Variants in UBE2G1 observed in about 807,000 individuals in gnomAD.
UBE2G1 encodes ubiquitin conjugating enzyme E2 G1, also known as ubiquitin-conjugating enzyme E2 G1.
Under a neutral mutation model 22.7 loss-of-function variants are expected in UBE2G1, and 5 were observed. The ratio of observed to expected loss-of-function variants is 0.22; its 90% CI spans 0.12 to 0.46. The LOEUF is 0.46. Ranked by LOEUF, UBE2G1 falls within the 20% of genes least tolerant of loss-of-function variation. The pLI, the probability that UBE2G1 is intolerant of heterozygous loss-of-function variation, is 0.99. For missense variants in UBE2G1, 88 were observed against 203.9 expected, an observed-to-expected ratio of 0.43 and a Z score of 3.46; for synonymous variants, 74 against 67.5, an observed-to-expected ratio of 1.10 and a Z score of -0.47.
intron 1 of UBE2G1, among the ~76,000 whole-genome samples, chr17:4,363,042 A>C (rs1010262054): frequency 6.6e-6 from 1 of 152,154 alleles, no homozygotes; most frequent in Non-Finnish European, 1.5e-5. Context: ...GAATCACTTG[A>C]ACCCAGAGGC....
chr17:4,289,198 T>G (rs755757015), intron 4 of UBE2G1, 32 bp downstream of exon 4: 2 of 1,475,960 alleles, frequency 1.4e-6, no homozygotes, highest in Non-Finnish European at 1.8e-6. Flanking sequence ...CAAGGGAAAG[T>G]GAAGGGAAGG....
chr17:4,273,624 T>C lies in UBE2G1; in HGVS notation c.*38-1108A>G, dbSNP rs558757521. Among the ~76,000 whole-genome samples the C allele has an allele frequency of 1.7e-4, 26 of 152,018 alleles. No homozygotes were observed. In the East Asian group the frequency reaches 4.9e-3, roughly 28 times the overall value. ...TCCCAAAGTGTTGGGATTACAGGCA[T>C]GTGCTACTGCACCCAGTGGTTAAAG... is the stretch of plus-strand genomic sequence containing the variant. On this transcript the variant is annotated intron_variant, in intron 5 of 5. Coordinates refer to ENST00000396981, the MANE Select transcript of UBE2G1 (RefSeq NM_003342.5).
intron 3 of UBE2G1, among the ~76,000 whole-genome samples, chr17:4,293,525 C>G (rs1165951020): frequency 6.6e-5 from 10 of 152,104 alleles, no homozygotes; most frequent in Non-Finnish European, 1.3e-4. Context: ...TTTCAGTTTT[C>G]TTGGTTAGGT....
At chr17:4,342,822 G>A (rs1969726692) in intron 1 of UBE2G1, among the ~76,000 whole-genome samples, 1 of 152,178 alleles carries the variant, frequency 6.6e-6, no homozygotes, top group African/African-American at 2.4e-5. Flanking sequence ...CTCACTCTGA[G>A]TAAAAGCCTA....
chr17:4,283,345 C>T (rs1968917813), intron 4 of UBE2G1, among the ~76,000 whole-genome samples: 2 of 152,064 alleles, frequency 1.3e-5, no homozygotes. Context: ...AATAAAAGTA[C>T]AAAAATTAGC....
intron 1 of UBE2G1, among the ~76,000 whole-genome samples, chr17:4,344,367 C>A (rs1235555194): frequency 6.6e-6 from 1 of 151,884 alleles, no homozygotes. Flanking sequence ...AGTGAAACCC[C>A]GTCTCTACTA....
intron 1 of UBE2G1, among the ~76,000 whole-genome samples, chr17:4,314,761 C>T (rs960495179): frequency 6.6e-6 from 1 of 152,100 alleles, no homozygotes; most frequent in Non-Finnish European, 1.5e-5. Flanking sequence ...CCTCACAAAC[C>T]TAACCTGTTT....
At chr17:4,329,537 G>A (rs948116924) in intron 1 of UBE2G1, among the ~76,000 whole-genome samples, 5 of 151,618 alleles carry the variant, frequency 3.3e-5, no homozygotes, top group Admixed American at 6.6e-5. Flanking sequence ...CAGCCTGGGT[G>A]AATGAGACTC....
chr17:4,315,783 CAG>C (rs1969361635), intron 1 of UBE2G1, among the ~76,000 whole-genome samples: 1 of 131,456 alleles, frequency 7.6e-6, no homozygotes, highest in South Asian at 2.5e-4. Flanking sequence ...AACAAAAAAA[CAG>C]AAGAAAAGAG....
intron 5 of UBE2G1, among the ~76,000 whole-genome samples, chr17:4,273,696 T>C (rs990250449): frequency 6.7e-6 from 1 of 149,674 alleles, no homozygotes; most frequent in African/African-American, 2.5e-5. Flanking sequence ...GTCTTTATTA[T>C]ATTAATATGT....
At chr17:4,297,946 A>G (rs1285705592) in intron 2 of UBE2G1, among the ~76,000 whole-genome samples, 1 of 152,238 alleles carries the variant, frequency 6.6e-6, no homozygotes, top group Non-Finnish European at 1.5e-5. Flanking sequence ...GAACAAATAT[A>G]CATTGATTAC....
intron 1 of UBE2G1, among the ~76,000 whole-genome samples, chr17:4,341,051 A>C (rs1187781222): frequency 2.5e-4 from 17 of 68,898 alleles, no homozygotes; most frequent in Admixed American, 1.2e-3. Flanking sequence ...GTGTCTTTAC[A>C]AAAAAAAAAA....
chr17:4,292,958 A>G (rs947322150), intron 3 of UBE2G1, among the ~76,000 whole-genome samples: 1 of 152,174 alleles, frequency 6.6e-6, no homozygotes, highest in Non-Finnish European at 1.5e-5. Flanking sequence ...ATTCCCCTAT[A>G]ATAATTTTAT....
At chr17:4,278,243 A>G (rs1968844131) in intron 5 of UBE2G1, among the ~76,000 whole-genome samples, 1 of 152,376 alleles carries the variant, frequency 6.6e-6, no homozygotes, top group South Asian at 2.1e-4. Flanking sequence ...ATACAAAAAA[A>G]TTGTGTAATG....
At chr17:4,326,960 G>C (rs1969509707) in intron 1 of UBE2G1, among the ~76,000 whole-genome samples, 1 of 152,204 alleles carries the variant, frequency 6.6e-6, no homozygotes, top group Admixed American at 6.5e-5. Flanking sequence ...TCAGGAGTTT[G>C]AAACCAGCCA....
At chr17:4,301,766 G>A in intron 2 of UBE2G1, 1 of 613,790 alleles carries the variant, frequency 1.6e-6, no homozygotes, top group South Asian at 1.5e-5. Context: ...CAGGACATAT[G>A]CTGTCAGCTG....
At chr17:4,326,211 C>A (rs751793209) in intron 1 of UBE2G1, among the ~76,000 whole-genome samples, 61 of 152,150 alleles carry the variant, frequency 4.0e-4, no homozygotes, top group South Asian at 6.2e-4. Context: ...GATTAATATC[C>A]AGAATACAAA....
At chr17:4,332,014 AAGC>A (rs1386071151) in intron 1 of UBE2G1, 1 of 152,210 alleles carries the variant, frequency 6.6e-6, no homozygotes, top group African/African-American at 2.4e-5. Context: ...AGGTTTTAAA[AAGC>A]AGTTGCCTCT....
intron 1 of UBE2G1, among the ~76,000 whole-genome samples, chr17:4,346,070 A>G (rs1367386236): frequency 6.6e-6 from 1 of 152,256 alleles, no homozygotes; most frequent in African/African-American, 2.4e-5. Context: ...GAATTGCTAA[A>G]CAACTTCCTC....
Sources: gnomAD v4.1 joint callset for allele counts (sites outside exome capture counted in the v4.1 genomes callset) on GRCh38, gnomAD v4.1.1 for gene constraint, MANE v1.5 for transcripts, NCBI Gene and HGNC (gene_info 2026-07-23, HGNC 2026-07-21) for gene names.